EDARADD: variants seen among roughly 807,000 people sequenced by gnomAD.
EDARADD encodes EDAR associated via death domain.
In EDARADD, 20 loss-of-function variants were observed where a neutral mutation model predicts 25.6. That is an observed-to-expected ratio of 0.78 (90% CI 0.55 to 1.14). The LOEUF (loss-of-function observed/expected upper bound fraction) is 1.14, where lower values mean the gene tolerates loss of function less well. Ranked by LOEUF, EDARADD falls within the 50% of genes most tolerant of loss-of-function variation. EDARADD has a pLI of 0.00. For missense variants in EDARADD, 225 were observed against 270.1 expected (o/e 0.83, Z 1.17); for synonymous variants, 86 against 94.4 (o/e 0.91, Z 0.52).
At chr1:236,371,383 G>A (rs1483456579) in intron 3 of EDARADD, among the ~76,000 whole-genome samples, 2 of 152,094 alleles carry the variant, frequency 1.3e-5, no homozygotes, top group Admixed American at 6.6e-5. Flanking sequence ...TGCAAAGACA[G>A]TGTTAATTCT....
intron 3 of EDARADD, among the ~76,000 whole-genome samples, chr1:236,371,946 A>C (rs2102993754): frequency 6.7e-6 from 1 of 150,324 alleles, no homozygotes; most frequent in South Asian, 2.1e-4. Context: ...TTGTTTTTTT[A>C]ATTTTTATTT....
upstream of EDARADD, among the ~76,000 whole-genome samples, chr1:236,393,391 CTTTTTTTTT>C (rs761525038): frequency 2.3e-5 from 2 of 87,202 alleles, no homozygotes; most frequent in South Asian, 4.8e-4. Context: ...TTCTTTCTTT[CTTTTTTTTT>C]TTTTTTTTTT....
intron 3 of EDARADD, among the ~76,000 whole-genome samples, chr1:236,379,653 C>T (rs1308968381): frequency 1.3e-5 from 2 of 150,932 alleles, no homozygotes; most frequent in Non-Finnish European, 3.0e-5. Flanking sequence ...GTGGCGGGCA[C>T]CTGTAATCCC....
chr1:236,452,792 T>A (rs1003683875), intron 4 of EDARADD, among the ~76,000 whole-genome samples: 2 of 152,122 alleles, frequency 1.3e-5, no homozygotes, highest in Non-Finnish European at 2.9e-5. Flanking sequence ...GTGGAACATG[T>A]ACACACCACT....
rs149965941 is a variant in EDARADD, at chr1:236,385,583, G to A, written c.-5-23633G>A. Among the ~76,000 whole-genome samples the A allele has an allele frequency of 4.3e-3, 655 of 152,086 alleles. 7 individuals are homozygous for A. Among genetic ancestry groups the A allele is most frequent in the African/African-American group, 0.015 (614 of 41,458 alleles). On this transcript the variant is annotated intron_variant, in intron 3 of 7. Coordinates refer to the EDARADD transcript ENST00000439430. ...TACTAAAAATACAAAAATTAGTTCG[G>A]TGTGGTGACAGGTGCCTGTAATCCC...
intron 3 of EDARADD, among the ~76,000 whole-genome samples, chr1:236,372,966 A>G (rs1667188660): frequency 1.6e-5 from 2 of 124,250 alleles, no homozygotes; most frequent in Non-Finnish European, 3.1e-5. Context: ...CCCAGGCTGG[A>G]GTGCAGTGGT....
At chr1:236,427,327 C>A in intron 3 of EDARADD, 65 bp from the exon 4 acceptor site, 1 of 1,521,202 alleles carries the variant, frequency 6.6e-7, no homozygotes, top group Non-Finnish European at 9.0e-7. Flanking sequence ...GGTCTTACAC[C>A]ACGGAGTGTG....
intron 1 of EDARADD, among the ~76,000 whole-genome samples, chr1:236,406,672 T>G (rs1253089321): frequency 6.6e-6 from 1 of 152,166 alleles, no homozygotes; most frequent in Non-Finnish European, 1.5e-5. Context: ...TGACTGTACG[T>G]TAATGTGTCA....
At chr1:236,478,959 T>G (rs1299458645) in intron 5 of EDARADD, among the ~76,000 whole-genome samples, 1 of 151,236 alleles carries the variant, frequency 6.6e-6, no homozygotes, top group Non-Finnish European at 1.5e-5. Flanking sequence ...TAAGTGGGAG[T>G]TATGCTATGA....
At chr1:236,357,629 C>T (rs1666995185) in intron 3 of EDARADD, among the ~76,000 whole-genome samples, 1 of 152,058 alleles carries the variant, frequency 6.6e-6, no homozygotes, top group Admixed American at 6.6e-5. Context: ...AGGCACTTAA[C>T]ATGAGGAAAG....
intron 4 of EDARADD, among the ~76,000 whole-genome samples, chr1:236,463,207 A>G (rs1207513370): frequency 6.6e-6 from 1 of 152,262 alleles, no homozygotes; most frequent in African/African-American, 2.4e-5. Flanking sequence ...GCTCTACAGA[A>G]CATGTCGAGC....
Position 236,395,441 on chromosome 1 carries a change from G to A in EDARADD, c.61+936G>A. On this transcript the variant is annotated intron_variant, in intron 1 of 5. Transcript: ENST00000334232. The surrounding 1 kb of genome is among the most constrained non-coding windows in gnomAD (Gnocchi z 6.9). Reference sequence around the variant, plus strand: ...AATTGCCAAAGCAGGAAGTGAGCTCGTGGAAGAAGCGAAGGAGGAGAAGAA... The same window carrying A: ...AATTGCCAAAGCAGGAAGTGAGCTCATGGAAGAAGCGAAGGAGGAGAAGAA... 1 of 1,471,550 alleles carries A rather than the reference G, an allele frequency of 6.8e-7. No homozygotes were observed. The allele number at this position is 1,471,550 out of a possible 1,614,324, so 91.2% of individuals were successfully genotyped here.
intron 2 of EDARADD, among the ~76,000 whole-genome samples, chr1:236,412,815 C>A (rs1404625067): frequency 6.6e-6 from 1 of 152,188 alleles, no homozygotes; most frequent in Non-Finnish European, 1.5e-5. Flanking sequence ...ATTGTAATTC[C>A]ATCTCTGGGA....
intron 3 of EDARADD, among the ~76,000 whole-genome samples, chr1:236,422,050 C>T (rs1396026898): frequency 1.3e-5 from 2 of 151,960 alleles, no homozygotes; most frequent in South Asian, 2.1e-4. Context: ...TTGAGGAACC[C>T]GTGTGGCATT....
At chr1:236,368,440 C>CTT (rs59201705) in intron 3 of EDARADD, among the ~76,000 whole-genome samples, 34,039 of 123,918 alleles carry the variant, frequency 0.27, 4,867 homozygotes, top group East Asian at 0.38. Context: ...CCAGTCTTTT[C>CTT]TTTTTTTTTT....
Position 236,482,759 on chromosome 1 carries a change from T to G in EDARADD, c.*110T>G. 6.6e-7 allele frequency: 1 copy of G among 1,524,890 alleles called. No individual in the cohort carries two copies. Among genetic ancestry groups the G allele is most frequent in the South Asian group, 1.1e-5 (1 of 87,342 alleles). 94.5% of individuals were successfully genotyped at this position (1,524,890 alleles called of 1,614,324 possible). On this transcript the variant is annotated 3_prime_UTR_variant, in exon 6 of 6. Coordinates refer to ENST00000334232, the MANE Select transcript of EDARADD (RefSeq NM_145861.4). Reference sequence around the variant, plus strand: ...AGTTTAGGACAAGGACGTGGAACAGTGGACACTGGTTTTCCCCAAAGCTGG... The same window carrying G: ...AGTTTAGGACAAGGACGTGGAACAGGGGACACTGGTTTTCCCCAAAGCTGG...
At chr1:236,473,447 G>T (rs1229961880) in intron 5 of EDARADD, among the ~76,000 whole-genome samples, 1 of 152,120 alleles carries the variant, frequency 6.6e-6, no homozygotes, top group African/African-American at 2.4e-5. Flanking sequence ...AGGTGAGCTG[G>T]GAGATAGCCT....
chr1:236,374,481 C>T (rs1667202995), intron 3 of EDARADD, among the ~76,000 whole-genome samples: 1 of 152,072 alleles, frequency 6.6e-6, no homozygotes, highest in African/African-American at 2.4e-5. Context: ...GTTGCCCAGG[C>T]TGGTCTCAAA....
chr1:236,444,695 A>AG (rs1658484927), intron 4 of EDARADD, among the ~76,000 whole-genome samples: 1 of 152,150 alleles, frequency 6.6e-6, no homozygotes, highest in African/African-American at 2.4e-5. Context: ...AAGTGCTGGG[A>AG]TTATAGGCGT....
Sources: gnomAD v4.1 joint callset for allele counts (sites outside exome capture counted in the v4.1 genomes callset) on GRCh38, gnomAD v4.1.1 for gene constraint, Gnocchi (gnomAD v3.1) non-coding constraint, MANE v1.5 for transcripts, NCBI Gene and HGNC (gene_info 2026-07-23, HGNC 2026-07-21) for gene names.